ZNF578: variants seen among roughly 807,000 people sequenced by gnomAD.
ZNF578 encodes Putative chemokine-related protein B42.
ZNF578 carries 8 observed loss-of-function variants against 8.3 expected under a neutral mutation model. The ratio of observed to expected loss-of-function variants is 0.96; its 90% CI spans 0.56 to 1.74. The LOEUF is 1.74. ZNF578 is among the 40% of genes most tolerant of loss of function. ZNF578 has a pLI of 0.00. For missense variants in ZNF578, 726 were observed against 707.5 expected (o/e 1.03, Z -0.30); for synonymous variants, 206 against 232.2 (o/e 0.89, Z 1.03).
intron 3 of ZNF578, among the ~76,000 whole-genome samples, chr19:52,491,686 G>T (rs1161678723): frequency 6.6e-6 from 1 of 151,886 alleles, no homozygotes. Context: ...CTGCACCCCA[G>T]CATGGGCCAC....
rs548613865 is a variant in ZNF578, at chr19:52,453,714, C to A, written c.-213+107C>A. The stretch of plus-strand genomic sequence containing the variant: ...AAATCCTCCCGCCGTTCCCTCCATC[C>A]TAGGTATATTAATACGTCGCCAAGA... On this transcript the variant is annotated intron_variant, in intron 1 of 5. Transcript: ENST00000421239. 3 of 152,394 alleles carry A rather than the reference C, an allele frequency of 2.0e-5. 1 individual carries two copies. The South Asian group carries it at 6.2e-4, about 32-fold the overall frequency. The allele number at this position is 152,394 out of a possible 1,614,324, so 9.4% of individuals were successfully genotyped here.
At chr19:52,509,702 G>T (rs1220617400) in intron 5 of ZNF578, among the ~76,000 whole-genome samples, 1 of 152,116 alleles carries the variant, frequency 6.6e-6, no homozygotes, top group African/African-American at 2.4e-5. Flanking sequence ...AGCAGGCAGA[G>T]GTTGCAGTGA....
At chr19:52,489,781 G>A (rs772454064) in intron 2 of ZNF578, among the ~76,000 whole-genome samples, 1 of 150,860 alleles carries the variant, frequency 6.6e-6, no homozygotes, top group Non-Finnish European at 1.5e-5. Flanking sequence ...TCAGCCTCCC[G>A]AGTAGCTGGG....
At chr19:52,497,171 C>T (rs1190397913) in intron 3 of ZNF578, among the ~76,000 whole-genome samples, 3 of 152,052 alleles carry the variant, frequency 2.0e-5, no homozygotes, top group Non-Finnish European at 4.4e-5. Flanking sequence ...ACGATTTCGT[C>T]TCACTGCAAC....
At chr19:52,471,149 G>A (rs1016371029) in intron 2 of ZNF578, among the ~76,000 whole-genome samples, 2 of 152,150 alleles carry the variant, frequency 1.3e-5, no homozygotes, top group Non-Finnish European at 2.9e-5. Context: ...TTATGCTTCC[G>A]GCACACCCTG....
chr19:52,485,539 G>C (rs2059342548), intron 2 of ZNF578, among the ~76,000 whole-genome samples: 1 of 152,178 alleles, frequency 6.6e-6, no homozygotes, highest in South Asian at 2.1e-4. Context: ...GGGCTGTCCT[G>C]TAGGGAAAGG....
At chr19:52,467,750 C>T (rs1169970248) in intron 2 of ZNF578, among the ~76,000 whole-genome samples, 2 of 152,056 alleles carry the variant, frequency 1.3e-5, no homozygotes, top group Non-Finnish European at 2.9e-5. Flanking sequence ...GTGAAATTAA[C>T]CAAATTGATA....
chr19:52,489,935 C>T (rs1223726182), intron 2 of ZNF578, among the ~76,000 whole-genome samples: 1 of 152,130 alleles, frequency 6.6e-6, no homozygotes, highest in Non-Finnish European at 1.5e-5. Context: ...GGATTACAGG[C>T]GTGAGCCACC....
At chr19:52,492,395 G>A (rs1274052691) in intron 3 of ZNF578, among the ~76,000 whole-genome samples, 1 of 152,068 alleles carries the variant, frequency 6.6e-6, no homozygotes, top group African/African-American at 2.4e-5. Flanking sequence ...ACTCAGTCCC[G>A]CATCCCAGGC....
At chr19:52,490,862 C>T (rs77558777) in intron 2 of ZNF578, among the ~76,000 whole-genome samples, 29,343 of 152,060 alleles carry the variant, frequency 0.19, 3,443 homozygotes, top group Non-Finnish European at 0.26. Context: ...TACAGAATTT[C>T]CATTGATTTT....
intron 2 of ZNF578, chr19:52,473,840 C>A: frequency 3.1e-6 from 1 of 320,610 alleles, no homozygotes; most frequent in South Asian, 7.1e-5. Flanking sequence ...TGTATGAATT[C>A]TCCAACATTG....
chr19:52,464,465 A>T (rs969187104), intron 2 of ZNF578, among the ~76,000 whole-genome samples: 2 of 152,136 alleles, frequency 1.3e-5, no homozygotes, highest in African/African-American at 4.8e-5. Context: ...AATGATTTTT[A>T]TTTCAAAAAG....
chr19:52,500,018 G>C (rs1451650772), intron 3 of ZNF578, among the ~76,000 whole-genome samples: 1 of 152,054 alleles, frequency 6.6e-6, no homozygotes, highest in Non-Finnish European at 1.5e-5. Flanking sequence ...GCCTTCACTT[G>C]AGCTGTCCCT....
intron 2 of ZNF578, among the ~76,000 whole-genome samples, chr19:52,468,198 TA>T (rs568475111): frequency 5.8e-4 from 88 of 152,320 alleles, no homozygotes; most frequent in African/African-American, 2.0e-3. Context: ...CTTAATACCA[TA>T]ATCAAAAATG....
rs149981576 is a variant in ZNF578 at position 52,485,888 on chromosome 19, A to T, written c.-121-5436A>T. Among the ~76,000 whole-genome samples, 22 of 152,254 alleles carry T rather than the reference A, an allele frequency of 1.4e-4. No individual in the cohort carries two copies. The East Asian group carries it at 4.3e-3, about 29-fold the overall frequency. On this transcript the variant is annotated intron_variant, in intron 2 of 5. Coordinates refer to ENST00000421239, the MANE Select transcript of ZNF578 (RefSeq NM_001099694.2). ...CAGGTATTGTCCAAGGTTTCTCCCC[A>T]TGTGACAGTCTGAAATATGGCCTCG... is the stretch of plus-strand genomic sequence containing the variant.
intron 2 of ZNF578, among the ~76,000 whole-genome samples, chr19:52,470,169 A>G (rs1365053902): frequency 6.6e-6 from 1 of 152,090 alleles, no homozygotes; most frequent in Non-Finnish European, 1.5e-5. Context: ...TTCTGAGGAC[A>G]TTCACCATGC....
intron 5 of ZNF578, among the ~76,000 whole-genome samples, chr19:52,505,999 G>A (rs549872526): frequency 4.7e-4 from 72 of 151,932 alleles, no homozygotes; most frequent in African/African-American, 1.6e-3. Context: ...TTGGATTCAA[G>A]TGATTCTCCT....
At chr19:52,489,780 C>T (rs1401127440) in intron 2 of ZNF578, among the ~76,000 whole-genome samples, 2 of 151,460 alleles carry the variant, frequency 1.3e-5, no homozygotes, top group Non-Finnish European at 2.9e-5. Flanking sequence ...CTCAGCCTCC[C>T]GAGTAGCTGG....
In ZNF578 at chr19:52,485,853, C is replaced by G. The variant is rs779660497; in HGVS notation, c.-121-5471C>G. On this transcript the variant is annotated intron_variant, in intron 2 of 5. Coordinates refer to ENST00000421239, the MANE Select transcript of ZNF578 (RefSeq NM_001099694.2). ...TGTGGAAGGCTGCAAGGACCTCTGC[C>G]TAGGAAAGCCAGGTATTGTCCAAGG... Among the ~76,000 whole-genome samples the G allele has an allele frequency of 4.6e-4, 70 of 152,278 alleles. No homozygotes were observed. In the Middle Eastern group the frequency reaches 0.014, roughly 30 times the overall value.
Sources: allele counts gnomAD v4.1 joint callset (sites outside exome capture counted in the v4.1 genomes callset), GRCh38; gene constraint gnomAD v4.1.1; transcripts MANE v1.5; gene names NCBI Gene and HGNC (gene_info 2026-07-23, HGNC 2026-07-21).